Variants in RIMS2 observed in about 807,000 individuals in gnomAD.
RIMS2 encodes the protein regulating synaptic membrane exocytosis 2, also known as regulating synaptic membrane exocytosis protein 2.
RIMS2 carries 59 observed loss-of-function variants against 174.4 expected under a neutral mutation model. The ratio of observed to expected loss-of-function variants is 0.34; its 90% confidence interval spans 0.27 to 0.42. The LOEUF is 0.42. Ranked by LOEUF, RIMS2 falls within the 10% of genes least tolerant of loss-of-function variation. RIMS2 has a pLI of 1.00. For synonymous variants in RIMS2, 606 were observed against 572.5 expected, an observed-to-expected ratio of 1.06 and a Z score of -0.84; for missense variants, 1,620 against 1,666.3, an observed-to-expected ratio of 0.97 and a Z score of 0.48.
intron 1 of RIMS2, among the ~76,000 whole-genome samples, chr8:103,581,793 C>G (rs2093633339): frequency 6.6e-6 from 1 of 152,164 alleles, no homozygotes; most frequent in African/African-American, 2.4e-5. Context: ...ATAAGGATAC[C>G]TCACCACCAA....
At chr8:104,177,752 C>T (rs555026593) in intron 19 of RIMS2, among the ~76,000 whole-genome samples, 8 of 152,098 alleles carry the variant, frequency 5.3e-5, no homozygotes, top group East Asian at 1.9e-4. Context: ...ATATATTGTC[C>T]GACTGTAGGC....
chr8:103,892,773 G>T (rs1200439765), intron 4 of RIMS2, among the ~76,000 whole-genome samples: 7 of 152,002 alleles, frequency 4.6e-5, no homozygotes, highest in Non-Finnish European at 8.8e-5. Context: ...GCCTCCTGAA[G>T]TGCTGGGATT....
At chr8:103,648,400 GAGA>G (rs147427683) in intron 1 of RIMS2, among the ~76,000 whole-genome samples, 9,710 of 152,168 alleles carry the variant, frequency 0.064, 394 homozygotes, top group South Asian at 0.088. Flanking sequence ...ATGTGGTGAT[GAGA>G]AGAATGTATA....
intron 19 of RIMS2, among the ~76,000 whole-genome samples, chr8:104,104,736 G>A (rs980515359): frequency 2.0e-5 from 3 of 151,914 alleles, no homozygotes; most frequent in African/African-American, 7.3e-5. Flanking sequence ...ACAAAAATTA[G>A]CCAGGCACAG....
At chr8:103,609,993 A>AT in intron 1 of RIMS2, among the ~76,000 whole-genome samples, 1 of 152,062 alleles carries the variant, frequency 6.6e-6, no homozygotes, top group South Asian at 2.1e-4. Flanking sequence ...TGGTTATGTC[A>AT]TCTCTGATTT....
intron 19 of RIMS2, chr8:104,094,517 G>A: frequency 1.4e-6 from 1 of 700,628 alleles, no homozygotes; most frequent in Non-Finnish European, 2.6e-6. Flanking sequence ...AAGGGGATAA[G>A]CATGAAGAGA....
At chr8:104,131,018 G>A (rs972057582) in intron 19 of RIMS2, among the ~76,000 whole-genome samples, 2 of 152,082 alleles carry the variant, frequency 1.3e-5, no homozygotes, top group Non-Finnish European at 2.9e-5. Flanking sequence ...GCCATGCAAC[G>A]GAGCTTCTAT....
intron 3 of RIMS2, among the ~76,000 whole-genome samples, chr8:103,823,487 G>T (rs1358760314): frequency 1.3e-5 from 2 of 151,910 alleles, no homozygotes; most frequent in Non-Finnish European, 2.9e-5. Flanking sequence ...TTATAAAAGT[G>T]AAATGTAAAG....
chr8:104,092,068 A>G (rs1454592286), intron 19 of RIMS2, among the ~76,000 whole-genome samples: 1 of 151,730 alleles, frequency 6.6e-6, no homozygotes, highest in Non-Finnish European at 1.5e-5. Context: ...TAATTTCTTT[A>G]CGTTTGAAGA....
chr8:103,632,919 G>T (rs1420485999), intron 1 of RIMS2, among the ~76,000 whole-genome samples: 1 of 149,194 alleles, frequency 6.7e-6, no homozygotes, highest in African/African-American at 2.5e-5. Context: ...ATTTTTAGTA[G>T]AGATGGGGTT....
At chr8:103,553,150 T>C (rs1260439958) in intron 1 of RIMS2, among the ~76,000 whole-genome samples, 2 of 152,068 alleles carry the variant, frequency 1.3e-5, no homozygotes, top group Non-Finnish European at 2.9e-5. Flanking sequence ...TGCACATGTG[T>C]GTTTATTGTG....
At chr8:103,739,210 T>C (rs2097727780) in intron 2 of RIMS2, among the ~76,000 whole-genome samples, 1 of 152,138 alleles carries the variant, frequency 6.6e-6, no homozygotes, top group African/African-American at 2.4e-5. Flanking sequence ...TAAAAAAGGA[T>C]GAGTTCATGT....
intron 2 of RIMS2, among the ~76,000 whole-genome samples, chr8:103,755,432 T>A (rs2097978112): frequency 6.6e-6 from 1 of 152,184 alleles, no homozygotes; most frequent in Non-Finnish European, 1.5e-5. Flanking sequence ...TCGAGCAGTA[T>A]CTTTATGGTG....
rs1374867168 is a variant in RIMS2, at chr8:103,640,192, A to AT, written c.177-56888dup. ...CAAATTTGGGATAGTTGTTCTTACT[A>AT]TTTTTTAAATCTTTTTAATGTCATG... is the stretch of plus-strand genomic sequence containing the variant. On this transcript the variant is annotated intron_variant, in intron 1 of 23. Coordinates refer to ENST00000504942, the Ensembl canonical transcript of RIMS2. 3.3e-5 allele frequency among the ~76,000 whole-genome samples: 5 copies of AT among 151,988 alleles called. No homozygotes were observed. In the East Asian group the frequency reaches 9.7e-4, roughly 29 times the overall value.
chr8:104,164,931 C>G (rs2098787960), intron 19 of RIMS2, among the ~76,000 whole-genome samples: 1 of 152,030 alleles, frequency 6.6e-6, no homozygotes, highest in Admixed American at 6.6e-5. Context: ...AACAAACCTG[C>G]AAATCCTGTA....
chr8:104,185,992 A>G (rs188532527), intron 19 of RIMS2, among the ~76,000 whole-genome samples: 2 of 151,822 alleles, frequency 1.3e-5, no homozygotes, highest in East Asian at 1.9e-4. Context: ...GTGTCTGTCA[A>G]TGGATGATTA....
intron 19 of RIMS2, among the ~76,000 whole-genome samples, chr8:104,055,317 T>G (rs1393856435): frequency 3.3e-5 from 5 of 152,182 alleles, no homozygotes; most frequent in African/African-American, 1.2e-4. Context: ...ATTTGATAAT[T>G]ATGTCATATG....
At chr8:104,021,894 A>G (rs1032116111) in intron 19 of RIMS2, among the ~76,000 whole-genome samples, 1 of 152,114 alleles carries the variant, frequency 6.6e-6, no homozygotes, top group Non-Finnish European at 1.5e-5. Flanking sequence ...GTGGGCATGG[A>G]GTAGGGAATG....
intron 3 of RIMS2, among the ~76,000 whole-genome samples, chr8:103,805,635 T>A (rs1023812667): frequency 1.3e-5 from 2 of 152,140 alleles, no homozygotes; most frequent in African/African-American, 4.8e-5. Flanking sequence ...AGCTGGAAAA[T>A]TAAACTTTAT....
Sources: gnomAD v4.1 joint callset for allele counts (sites outside exome capture counted in the v4.1 genomes callset) on GRCh38, gnomAD v4.1.1 for gene constraint, MANE v1.5 for transcripts, NCBI Gene and HGNC (gene_info 2026-07-23, HGNC 2026-07-21) for gene names.